The following CSTPP1 variants were observed in gnomAD, a reference collection of about 807,000 sequenced individuals.
The protein encoded by CSTPP1 is centriolar satellite-associated tubulin polyglutamylase complex regulator 1.
the CSTPP1 span, among the ~76,000 whole-genome samples, chr11:47,034,599 C>T: frequency 1.3e-3 from 195 of 151,626 alleles, no homozygotes; most frequent in Non-Finnish European, 2.3e-3. Flanking sequence ...TTCCTGTGCT[C>T]GAGTGAGTTT....
the CSTPP1 span, chr11:47,040,968 T>G: frequency 2.2e-5 from 3 of 138,730 alleles, no homozygotes; most frequent in South Asian, 1.6e-4. Context: ...CCCTGGAGGG[T>G]GGGGAAGGTG....
chr11:47,049,677 T>C, the CSTPP1 span, among the ~76,000 whole-genome samples: 1 of 151,814 alleles, frequency 6.6e-6, no homozygotes, highest in Non-Finnish European at 1.5e-5. Flanking sequence ...TGTTAATGTT[T>C]TAAGATGGGG....
the CSTPP1 span, among the ~76,000 whole-genome samples, chr11:47,129,170 C>T: frequency 1.3e-5 from 2 of 152,110 alleles, no homozygotes; most frequent in African/African-American, 4.8e-5. Flanking sequence ...CTGAGTTGTC[C>T]GTTTCAAAGG....
chr11:47,156,553 C>T, the CSTPP1 span, among the ~76,000 whole-genome samples: 1 of 152,214 alleles, frequency 6.6e-6, no homozygotes, highest in African/African-American at 2.4e-5. Flanking sequence ...CACCATGGGG[C>T]TTACCAGTGG....
chr11:47,092,915 G>A, the CSTPP1 span, among the ~76,000 whole-genome samples: 2 of 152,160 alleles, frequency 1.3e-5, no homozygotes, highest in Non-Finnish European at 2.9e-5. Flanking sequence ...CAGGGGCAGG[G>A]ATTTTCGTCT....
the CSTPP1 span, chr11:47,161,447 CTT>C: frequency 1.5e-4 from 242 of 1,613,272 alleles, 1 homozygote; most frequent in South Asian, 1.9e-4. Context: ...GCCCTCCAGG[CTT>C]CTTCCCTTCT....
the CSTPP1 span, among the ~76,000 whole-genome samples, chr11:47,028,926 C>T: frequency 1.3e-5 from 2 of 152,078 alleles, no homozygotes; most frequent in African/African-American, 4.8e-5. Flanking sequence ...TAACCTCTCC[C>T]TCCCGGGCTC....
chr11:47,150,188 G>A, the CSTPP1 span, among the ~76,000 whole-genome samples: 5 of 152,160 alleles, frequency 3.3e-5, no homozygotes, highest in East Asian at 7.7e-4. Flanking sequence ...GAAGGTAGTA[G>A]TATTTGAATG....
the CSTPP1 span, among the ~76,000 whole-genome samples, chr11:47,110,791 G>A: frequency 6.6e-6 from 1 of 152,064 alleles, no homozygotes; most frequent in Non-Finnish European, 1.5e-5. Flanking sequence ...ATTCCTGTCT[G>A]CAACTCCAGG....
the CSTPP1 span, among the ~76,000 whole-genome samples, chr11:46,999,881 C>T: frequency 4.7e-4 from 72 of 152,268 alleles, no homozygotes; most frequent in African/African-American, 1.6e-3. Flanking sequence ...TGCTGTCTGT[C>T]ACTCCTTGGT....
chr11:47,053,122 G>C, the CSTPP1 span: 13 of 152,538 alleles, frequency 8.5e-5, no homozygotes, highest in African/African-American at 2.9e-4. Flanking sequence ...GATCTAAGCT[G>C]GGAAGGAAGA....
the CSTPP1 span, chr11:47,161,374 G>A: frequency 1.3e-6 from 2 of 1,593,252 alleles, no homozygotes; most frequent in African/African-American, 2.7e-5. Flanking sequence ...GCAGCCCAGG[G>A]GTTTACCCTA....
At chr11:47,129,727 C>T in the CSTPP1 span, among the ~76,000 whole-genome samples, 2 of 152,134 alleles carry the variant, frequency 1.3e-5, no homozygotes, top group African/African-American at 2.4e-5. Flanking sequence ...CATGGTATGT[C>T]CTACATGACC....
chr11:47,038,028 C>G, the CSTPP1 span, among the ~76,000 whole-genome samples: 1 of 115,636 alleles, frequency 8.6e-6, no homozygotes, highest in Non-Finnish European at 2.1e-5. Flanking sequence ...CAGAGGGGCT[C>G]CTCACTTCCC....
At chr11:46,957,059 T>G in the CSTPP1 span, among the ~76,000 whole-genome samples, 1 of 152,094 alleles carries the variant, frequency 6.6e-6, no homozygotes, top group Non-Finnish European at 1.5e-5. Context: ...GTGCATGGTT[T>G]TCGATGAACT....
At chr11:46,938,055 G>A in the CSTPP1 span, among the ~76,000 whole-genome samples, 10 of 151,124 alleles carry the variant, frequency 6.6e-5, no homozygotes, top group South Asian at 2.1e-4. Flanking sequence ...TATATTTTTA[G>A]TAGAGACGGG....
the CSTPP1 span, among the ~76,000 whole-genome samples, chr11:47,145,225 A>T: frequency 2.0e-5 from 3 of 151,764 alleles, no homozygotes; most frequent in Non-Finnish European, 4.4e-5. Context: ...TGACCTTATG[A>T]TCTGCCTGCC....
the CSTPP1 span, among the ~76,000 whole-genome samples, chr11:47,033,011 A>C: frequency 2.0e-5 from 3 of 152,188 alleles, no homozygotes; most frequent in Non-Finnish European, 4.4e-5. Flanking sequence ...GTTATTAAGA[A>C]AATCAAAAGG....
the CSTPP1 span, among the ~76,000 whole-genome samples, chr11:47,080,345 C>A: frequency 6.6e-6 from 1 of 151,982 alleles, no homozygotes; most frequent in Admixed American, 6.6e-5. Flanking sequence ...GTCCCAGCTG[C>A]TCAGGAGGCT....
Sources: allele counts gnomAD v4.1 joint callset (sites outside exome capture counted in the v4.1 genomes callset), GRCh38; gene constraint gnomAD v4.1.1; transcripts MANE v1.5; gene names NCBI Gene and HGNC (gene_info 2026-07-23, HGNC 2026-07-21).